WASHC5: variants seen among roughly 807,000 people sequenced by gnomAD.
The protein encoded by WASHC5 is WASH complex subunit strumpellin.
Under a neutral mutation model 150.4 loss-of-function variants are expected in WASHC5, and 101 were observed. The ratio of observed to expected loss-of-function variants is 0.67; its 90% CI spans 0.57 to 0.79. The LOEUF is 0.79. Ranked by LOEUF, WASHC5 falls within the 30% of genes least tolerant of loss-of-function variation. The probability of loss-of-function intolerance (pLI) is 0.00; values close to 1 mark genes in which losing one functional copy is unlikely to be tolerated. For missense variants in WASHC5, 1,195 were observed against 1,396.3 expected, an observed-to-expected ratio of 0.86 and a Z score of 2.30; for synonymous variants, 467 against 491.2, an observed-to-expected ratio of 0.95 and a Z score of 0.65.
chr8:125,064,890 G>A lies in WASHC5; in HGVS notation c.1279-1239C>T, dbSNP rs16900319. Among the ~76,000 whole-genome samples the A allele has an allele frequency of 6.4e-3, 977 of 152,232 alleles. 26 individuals carry two copies. The highest frequency in any genetic ancestry group is 0.038 in the East Asian group (196 of 5,170). On this transcript the variant is annotated intron_variant, in intron 10 of 28. Coordinates refer to ENST00000318410, the MANE Select transcript of WASHC5 (RefSeq NM_014846.4). ...AAGAATCTTAGTGATCTGGCAGAATGACTAACCAATAAAATGATGACGGAG... is the reference window on the plus strand; with the variant it reads ...AAGAATCTTAGTGATCTGGCAGAATAACTAACCAATAAAATGATGACGGAG...
rs1339887956 is a variant in WASHC5, at chr8:125,055,639, A to G, written c.2049T>C (p.Phe683=). 6.2e-7 allele frequency: 1 copy of G among 1,612,864 alleles called. No homozygotes were observed. The highest frequency in any genetic ancestry group is 2.2e-5 in the East Asian group (1 of 44,884). Residue 683 remains phenylalanine, a synonymous_variant, in exon 17 of 29, where the codon TTT becomes TTC. Transcript: ENST00000318410. ...TTTTCATCATTAAGATGCCTTCAGT[A>G]AAAATGGAAATAGCATGAGTAAGCT... The part of the protein sequence containing the change: ...VAKLTHAISI[F]TEGILMMKTT...
In WASHC5 at chr8:125,062,716, T is replaced by C. The variant is rs191718437; in HGVS notation, c.1408+806A>G. Among the ~76,000 whole-genome samples, 31 of 152,306 alleles carry C rather than the reference T, an allele frequency of 2.0e-4. 1 individual carries two copies. Among genetic ancestry groups the C allele is most frequent in the African/African-American group, 7.0e-4 (29 of 41,564 alleles). On this transcript the variant is annotated intron_variant, in intron 11 of 28. Transcript: ENST00000318410. ...TACAGTAATCACAAGCTCATACTGA[T>C]TAAAAATAATAGTTTTTAAACAAGA...
Position 125,035,457 on chromosome 8 carries a change from A to C in WASHC5, c.3181+1780T>G, listed in dbSNP as rs147480369. Among the ~76,000 whole-genome samples the C allele has an allele frequency of 7.8e-4, 119 of 152,354 alleles. 2 individuals are homozygous for C. In the Middle Eastern group the frequency reaches 0.027, roughly 35 times the overall value. On this transcript the variant is annotated intron_variant, in intron 26 of 28. Transcript: ENST00000318410. Reference sequence around the variant, plus strand: ...TATTCCTATTGAATAATAACATAGAACAGAGAGAGAACATGAATCTCTGAA... The same window carrying C: ...TATTCCTATTGAATAATAACATAGACCAGAGAGAGAACATGAATCTCTGAA...
intron 5 of WASHC5, among the ~76,000 whole-genome samples, chr8:125,080,722 A>C (rs1817232281): frequency 6.6e-6 from 1 of 152,218 alleles, no homozygotes; most frequent in African/African-American, 2.4e-5. Context: ...AGACACTAAA[A>C]TTAAAAAGTT....
At chr8:125,041,720 G>A (rs533576836) in intron 23 of WASHC5, among the ~76,000 whole-genome samples, 1 of 152,122 alleles carries the variant, frequency 6.6e-6, no homozygotes, top group East Asian at 1.9e-4. Flanking sequence ...ATGGTCAAAA[G>A]TATTAAATGA....
chr8:125,037,142 A>G (rs1217324167), intron 26 of WASHC5, 95 bp downstream of exon 26: 2 of 768,484 alleles, frequency 2.6e-6, no homozygotes, highest in Non-Finnish European at 4.6e-6. Flanking sequence ...AAAAGATCTC[A>G]TATCCGACAT....
chr8:125,054,085 G>T (rs962533576), intron 17 of WASHC5, among the ~76,000 whole-genome samples: 19 of 152,140 alleles, frequency 1.2e-4, no homozygotes, highest in African/African-American at 4.6e-4. Flanking sequence ...TGAAAAGAAT[G>T]TAGATTTCAG....
At chr8:125,039,447 G>A (rs1424721751) in intron 24 of WASHC5, among the ~76,000 whole-genome samples, 2 of 152,152 alleles carry the variant, frequency 1.3e-5, no homozygotes, top group Non-Finnish European at 2.9e-5. Context: ...GGTAATAATT[G>A]CTTTCTAAAA....
At chr8:125,035,292 T>A (rs1398921698) in intron 26 of WASHC5, among the ~76,000 whole-genome samples, 7 of 152,150 alleles carry the variant, frequency 4.6e-5, no homozygotes, top group South Asian at 2.1e-4. Context: ...ATACTTTCCA[T>A]AAGCAGCTTT....
chr8:125,059,319 TAAG>T (rs755204201), intron 13 of WASHC5, 22 bp from the exon 14 acceptor site: 47 of 1,613,396 alleles, frequency 2.9e-5, no homozygotes, highest in African/African-American at 5.3e-5. Context: ...AAAGAAACGG[TAAG>T]AAGATGTTCC....
chr8:125,080,074 T>C (rs1425129603), intron 5 of WASHC5, among the ~76,000 whole-genome samples: 2 of 152,238 alleles, frequency 1.3e-5, no homozygotes, highest in African/African-American at 2.4e-5. Flanking sequence ...TAGTAAGCTC[T>C]GAAAGAAATG....
chr8:125,045,608 A>G (rs1816043031), intron 20 of WASHC5, among the ~76,000 whole-genome samples: 1 of 152,198 alleles, frequency 6.6e-6, no homozygotes, highest in Non-Finnish European at 1.5e-5. Flanking sequence ...TATTGTCCAA[A>G]GCCACCACAT....
intron 23 of WASHC5, among the ~76,000 whole-genome samples, chr8:125,040,394 T>G (rs950944808): frequency 1.3e-5 from 2 of 152,186 alleles, no homozygotes; most frequent in Non-Finnish European, 2.9e-5. Flanking sequence ...GTTCTATAAT[T>G]ATCTGGATTA....
At chr8:125,084,260 T>C (rs1817354305) in intron 1 of WASHC5, among the ~76,000 whole-genome samples, 1 of 152,226 alleles carries the variant, frequency 6.6e-6, no homozygotes, top group South Asian at 2.1e-4. Flanking sequence ...GAGAAAAAGA[T>C]ATGATACAGC....
Position 125,073,145 on chromosome 8 carries a change from T to G in WASHC5, c.1150+8A>C. On this transcript the variant is annotated splice_region_variant and intron_variant, in intron 9 of 28. Transcript: ENST00000318410. ...GTAATATAAACGGCCACCCCTTTTG[T>G]GCATTACCTGAGTCTGCTGTATGAA... 1 of 1,614,044 alleles carries G rather than the reference T, an allele frequency of 6.2e-7. No individual in the cohort carries two copies. Among genetic ancestry groups the G allele is most frequent in the Non-Finnish European group, 8.5e-7 (1 of 1,179,900 alleles).
intron 9 of WASHC5, among the ~76,000 whole-genome samples, chr8:125,068,940 G>C (rs75124857): frequency 0.026 from 4,000 of 152,322 alleles, 183 homozygotes; most frequent in African/African-American, 0.092. Flanking sequence ...GCTTAGATTG[G>C]TTTATAAGGC....
intron 24 of WASHC5, 43 bp downstream of exon 24, chr8:125,039,752 C>T (rs769176746): frequency 1.1e-5 from 15 of 1,347,584 alleles, no homozygotes; most frequent in East Asian, 6.9e-5. Flanking sequence ...AGATAATAAA[C>T]AATCCAAGCC....
intron 19 of WASHC5, among the ~76,000 whole-genome samples, chr8:125,047,775 C>G (rs1039158011): frequency 2.6e-5 from 4 of 152,156 alleles, no homozygotes; most frequent in African/African-American, 7.2e-5. Flanking sequence ...GTCTCAAACA[C>G]TTGACCTCAG....
chr8:125,030,637 TAAAAA>T (rs71295816), intron 27 of WASHC5, among the ~76,000 whole-genome samples: 1 of 52,788 alleles, frequency 1.9e-5, no homozygotes, highest in African/African-American at 7.2e-5. Flanking sequence ...CTCTTTCTCA[TAAAAA>T]AAAAAAAAAA....
Sources: gnomAD v4.1 joint callset for allele counts (sites outside exome capture counted in the v4.1 genomes callset) on GRCh38, gnomAD v4.1.1 for gene constraint, MANE v1.5 for transcripts, NCBI Gene and HGNC (gene_info 2026-07-23, HGNC 2026-07-21) for gene names.